ARHGAP35: variants seen among roughly 807,000 people sequenced by gnomAD.
ARHGAP35 encodes Rho GTPase activating protein 35, also known as rho GTPase-activating protein 35.
ARHGAP35 carries 15 observed loss-of-function variants against 111.1 expected under a neutral mutation model. That is an observed-to-expected ratio of 0.13 (90% CI 0.09 to 0.21). The LOEUF (loss-of-function observed/expected upper bound fraction) is 0.21. Ranked by LOEUF, ARHGAP35 falls within the 10% of genes least tolerant of loss-of-function variation. The probability of loss-of-function intolerance (pLI) is 1.00; values close to 1 mark genes in which losing one functional copy is unlikely to be tolerated. For missense variants in ARHGAP35, 1,262 were observed against 1,873.0 expected, an observed-to-expected ratio of 0.67 and a Z score of 6.02; for synonymous variants, 643 against 710.3, an observed-to-expected ratio of 0.91 and a Z score of 1.51.
At chr19:46,990,929 T>C (rs2056676124) in intron 5 of ARHGAP35, among the ~76,000 whole-genome samples, 1 of 152,146 alleles carries the variant, frequency 6.6e-6, no homozygotes, top group Admixed American at 6.5e-5. Context: ...CCTTATTCTG[T>C]CCACACTCTC....
At position 46,908,403 on chromosome 19, in the gene ARHGAP35, T is replaced by C. The variant is rs1009259858; in HGVS notation, c.-188-10085T>C. 1.3e-5 allele frequency among the ~76,000 whole-genome samples: 2 copies of C among 152,160 alleles called. No homozygotes were observed. The highest frequency in any genetic ancestry group is 4.8e-5 in the African/African-American group (2 of 41,426). ...GCTGTGATACCTAGGCTTATTGGAG[T>C]GCCTCCAATTTCGAATTTGCCTTGG... On this transcript the variant is annotated intron_variant, in intron 1 of 6. Coordinates refer to ENST00000672722, the MANE Select transcript of ARHGAP35 (RefSeq NM_004491.5). This position sits in a 1 kb window ranked among gnomAD's most constrained non-coding sequence, Gnocchi z 4.2.
Position 46,908,475 on chromosome 19 carries a change from C to T in ARHGAP35, c.-188-10013C>T, listed in dbSNP as rs1222938408. On this transcript the variant is annotated intron_variant, in intron 1 of 6. Transcript: ENST00000672722. The surrounding 1 kb of genome is among the most constrained non-coding windows in gnomAD (Gnocchi z 4.2). ...GAATATTTTTACAGCTTATCAGAAT[C>T]TTGGTTTTTGTTGTTGTTTTTCTTA... 6.6e-6 allele frequency among the ~76,000 whole-genome samples: 1 copy of T among 151,788 alleles called. No individual in the cohort carries two copies. Among genetic ancestry groups the T allele is most frequent in the Admixed American group, 6.6e-5 (1 of 15,266 alleles).
intron 3 of ARHGAP35, among the ~76,000 whole-genome samples, chr19:46,977,204 A>G (rs1199635802): frequency 6.6e-6 from 1 of 152,222 alleles, no homozygotes. Flanking sequence ...TCTGCCCTGT[A>G]AAAGTTAACA....
intron 2 of ARHGAP35, among the ~76,000 whole-genome samples, chr19:46,930,733 A>G (rs1364899357): frequency 6.6e-6 from 1 of 151,714 alleles, no homozygotes; most frequent in Non-Finnish European, 1.5e-5. Flanking sequence ...CACAGAAGAT[A>G]GAATATTCTT....
intron 1 of ARHGAP35, among the ~76,000 whole-genome samples, chr19:46,868,893 ATTT>A (rs59080309): frequency 1.4e-4 from 8 of 58,698 alleles, no homozygotes; most frequent in African/African-American, 3.0e-4. Context: ...GCTCACCGTG[ATTT>A]TTTTTTTTTT....
chr19:46,903,988 A>G (rs2056093463), intron 1 of ARHGAP35, among the ~76,000 whole-genome samples: 1 of 152,006 alleles, frequency 6.6e-6, no homozygotes, highest in African/African-American at 2.4e-5. Context: ...TTATAGAAGT[A>G]TACATTTAGT....
At chr19:46,904,040 A>G (rs1420912280) in intron 1 of ARHGAP35, among the ~76,000 whole-genome samples, 1 of 152,000 alleles carries the variant, frequency 6.6e-6, no homozygotes, top group African/African-American at 2.4e-5. Context: ...GACTGGCTGG[A>G]TGTCATTCTT....
At chr19:46,877,518 C>G (rs2055931811) in intron 1 of ARHGAP35, among the ~76,000 whole-genome samples, 1 of 151,948 alleles carries the variant, frequency 6.6e-6, no homozygotes, top group Non-Finnish European at 1.5e-5. Flanking sequence ...GAGCCATGAT[C>G]ACACCATTGC....
At chr19:46,967,552 T>G (rs942764562) in intron 3 of ARHGAP35, among the ~76,000 whole-genome samples, 1 of 152,174 alleles carries the variant, frequency 6.6e-6, no homozygotes, top group African/African-American at 2.4e-5. Flanking sequence ...GTCCTTTCAG[T>G]CCCTTATGCA....
At chr19:46,965,652 T>C (rs2056511041) in intron 3 of ARHGAP35, among the ~76,000 whole-genome samples, 3 of 152,060 alleles carry the variant, frequency 2.0e-5, no homozygotes, top group Admixed American at 2.0e-4. Context: ...GCTCAGCTAA[T>C]TCTTGTATTT....
At chr19:46,909,469 A>G (rs1171341490) in intron 1 of ARHGAP35, among the ~76,000 whole-genome samples, 7 of 152,174 alleles carry the variant, frequency 4.6e-5, no homozygotes, top group Admixed American at 4.6e-4. Context: ...CGCGTAATCA[A>G]TATCCAAGAA....
At chr19:46,909,190 C>A (rs2056125711) in intron 1 of ARHGAP35, among the ~76,000 whole-genome samples, 1 of 152,108 alleles carries the variant, frequency 6.6e-6, no homozygotes, top group Non-Finnish European at 1.5e-5. Context: ...GTAGTCCCAG[C>A]TACTCAGGAG....
chr19:46,893,532 G>C (rs958022217), intron 1 of ARHGAP35, among the ~76,000 whole-genome samples: 1 of 151,814 alleles, frequency 6.6e-6, no homozygotes, highest in African/African-American at 2.4e-5. Context: ...TTCTGCTTGG[G>C]ATTGTTTTGA....
chr19:46,921,580 A>G lies in ARHGAP35; in HGVS notation c.2905A>G (p.Asn969Asp), dbSNP rs772578396. The G allele has an allele frequency of 6.2e-6, 10 of 1,613,956 alleles. No homozygotes were observed. In the East Asian group the frequency reaches 2.2e-4, roughly 36 times the overall value. ...CTGTAGCACCACCGAAGAGGTGTTTAACTCCCCCCGGGCAGGATCACCGCT... is the reference window on the plus strand; with the variant it reads ...CTGTAGCACCACCGAAGAGGTGTTTGACTCCCCCCGGGCAGGATCACCGCT... ...EACSTTEEVF[N>D]SPRAGSPLCN... The change falls in exon 2 of 7, where the codon AAC (asparagine) becomes GAC (aspartate). Residue 969 changes from asparagine to aspartate, a missense_variant. Asn to Asp is a conservative substitution (Grantham distance 23, BLOSUM62 1). Around this residue, in one of 8 missense-constraint regions of ARHGAP35, gnomAD observed 579 missense variants for 716.9 expected, o/e 0.81. Transcript: ENST00000672722. This position sits in a 1 kb window ranked among gnomAD's most constrained non-coding sequence, Gnocchi z 4.3.
intron 1 of ARHGAP35, among the ~76,000 whole-genome samples, chr19:46,864,068 G>A (rs1047091586): frequency 3.3e-5 from 5 of 152,240 alleles, no homozygotes; most frequent in Admixed American, 1.3e-4. Flanking sequence ...GGGGCTCTTT[G>A]CCTGCCGTAC....
At chr19:46,998,055 T>TC (rs1321707410) in intron 5 of ARHGAP35, among the ~76,000 whole-genome samples, 1 of 151,280 alleles carries the variant, frequency 6.6e-6, no homozygotes, top group Non-Finnish European at 1.5e-5. Context: ...TGAGCCGACA[T>TC]CGCACCACTG....
chr19:46,929,706 G>T (rs1248561899), intron 2 of ARHGAP35, among the ~76,000 whole-genome samples: 1 of 150,224 alleles, frequency 6.7e-6, no homozygotes, highest in African/African-American at 2.5e-5. Context: ...TTGAGGTCGG[G>T]AGTTCAAGAC....
rs143474296 is a variant in ARHGAP35 at position 46,914,422 on chromosome 19, G to A, written c.-188-4066G>A. ...GGCCAGGAGTTTGAGACCAGCCTGG[G>A]CAACATAGCAAGACCCCATTTCTAA... On this transcript the variant is annotated intron_variant, in intron 1 of 6. Transcript: ENST00000672722. Among the ~76,000 whole-genome samples the A allele has an allele frequency of 3.2e-3, 481 of 152,136 alleles. 2 individuals are homozygous for A. The highest frequency in any genetic ancestry group is 0.02 in the Middle Eastern group (6 of 294).
chr19:46,898,063 G>A (rs2056066023), intron 1 of ARHGAP35, among the ~76,000 whole-genome samples: 1 of 152,096 alleles, frequency 6.6e-6, no homozygotes, highest in Admixed American at 6.6e-5. Flanking sequence ...CTAACATGGT[G>A]AAACCCTGTC....
Sources: allele counts gnomAD v4.1 joint callset (sites outside exome capture counted in the v4.1 genomes callset), GRCh38; gene constraint gnomAD v4.1.1; regional missense constraint gnomAD v4.1.1; non-coding constraint Gnocchi (gnomAD v3.1); transcripts MANE v1.5; gene names NCBI Gene and HGNC (gene_info 2026-07-23, HGNC 2026-07-21).